Variants in CDH4 observed in about 807,000 individuals in gnomAD.
CDH4 encodes cadherin 4.
A neutral mutation model predicts 86.0 loss-of-function variants in CDH4; 33 were observed. The observed-to-expected ratio is 0.38, with a 90% CI of 0.29 to 0.51. The LOEUF (loss-of-function observed/expected upper bound fraction) is 0.51, where lower values mean the gene tolerates loss of function less well. Among genes scored for constraint, CDH4 ranks in the 20% least tolerant of loss-of-function variants. CDH4 has a pLI of 0.86. For missense variants in CDH4, 1,114 were observed against 1,307.4 expected, an observed-to-expected ratio of 0.85 and a Z score of 2.28; for synonymous variants, 555 against 549.4, an observed-to-expected ratio of 1.01 and a Z score of -0.14.
In CDH4 at chr20:61,281,587, G is replaced by C. The variant is rs140309584; in HGVS notation, c.169+26650G>C. 3.9e-3 allele frequency among the ~76,000 whole-genome samples: 594 copies of C among 152,330 alleles called. 13 individuals carry two copies. The South Asian group carries it at 0.044, about 11-fold the overall frequency. Reference sequence around the variant, plus strand: ...AAGTGCTCCTGGTGGTCTGAGGTCCGTCCCAGCCCCGCCTCCCGGCAGCCA... The same window carrying C: ...AAGTGCTCCTGGTGGTCTGAGGTCCCTCCCAGCCCCGCCTCCCGGCAGCCA... On this transcript the variant is annotated intron_variant, in intron 2 of 15. Transcript: ENST00000614565.
chr20:61,930,586 G>A (rs1025716399), intron 13 of CDH4, among the ~76,000 whole-genome samples: 4 of 152,118 alleles, frequency 2.6e-5, no homozygotes, highest in African/African-American at 9.7e-5. Context: ...CAGAACAGGC[G>A]GCAGGCCCCT....
intron 4 of CDH4, among the ~76,000 whole-genome samples, chr20:61,838,084 G>C (rs546760920): frequency 5.1e-4 from 78 of 151,954 alleles, no homozygotes; most frequent in Non-Finnish European, 9.6e-4. Flanking sequence ...GGCCTCCTTA[G>C]GGCCAGGACA....
rs753147926 is a variant in CDH4 at position 61,278,579 on chromosome 20, C to T, written c.169+23642C>T. ...AGGCCCTCTTACGCCTGGTGCTCAG[C>T]CCTTGGGAAGTGGCTCAGCTTCCCT... On this transcript the variant is annotated intron_variant, in intron 2 of 15. Transcript: ENST00000614565. Among the ~76,000 whole-genome samples, 10 of 152,258 alleles carry T rather than the reference C, an allele frequency of 6.6e-5. 1 individual carries two copies. Among genetic ancestry groups the T allele is most frequent in the Non-Finnish European group, 1.5e-4 (10 of 68,048 alleles).
chr20:61,360,129 G>T (rs867896682), intron 2 of CDH4, among the ~76,000 whole-genome samples: 1 of 152,190 alleles, frequency 6.6e-6, no homozygotes, highest in Admixed American at 6.5e-5. Flanking sequence ...CGGCATCTTG[G>T]GGAAGGGAGA....
chr20:61,637,114 C>T (rs577815508), intron 2 of CDH4, among the ~76,000 whole-genome samples: 2 of 152,306 alleles, frequency 1.3e-5, no homozygotes, highest in East Asian at 3.9e-4. Context: ...TGTTTTTCTT[C>T]AAGTTCTGCT....
intron 2 of CDH4, among the ~76,000 whole-genome samples, chr20:61,391,258 G>A (rs2084983826): frequency 6.6e-6 from 1 of 152,162 alleles, no homozygotes; most frequent in Non-Finnish European, 1.5e-5. Flanking sequence ...GTGCCATTTA[G>A]GGAGAGGGGC....
intron 2 of CDH4, among the ~76,000 whole-genome samples, chr20:61,388,222 GGCCGGGAGCAGA>G (rs1267255479): frequency 1.3e-5 from 2 of 152,216 alleles, no homozygotes; most frequent in East Asian, 3.9e-4. Flanking sequence ...TGCAGCTGTC[GGCCGGGAGCAGA>G]GCCCTGCCTT....
chr20:61,486,512 G>A (rs2085597424), intron 2 of CDH4, among the ~76,000 whole-genome samples: 1 of 152,256 alleles, frequency 6.6e-6, no homozygotes, highest in African/African-American at 2.4e-5. Context: ...CCAGTGTCCG[G>A]CATGTGCTGG....
intron 4 of CDH4, among the ~76,000 whole-genome samples, chr20:61,794,461 G>A (rs1351824263): frequency 1.3e-5 from 2 of 152,214 alleles, no homozygotes; most frequent in Non-Finnish European, 2.9e-5. Flanking sequence ...CTTGGTTGGA[G>A]GCTGTTCCCA....
Position 61,856,818 on chromosome 20 carries a change from G to A in CDH4, c.877+3920G>A, listed in dbSNP as rs181321306. ...TGAGATGTCTTGTTAGTGAGCAGGA[G>A]GCAGACCCCACCCCAGGGGCTCCCC... On this transcript the variant is annotated intron_variant, in intron 6 of 15. Coordinates refer to ENST00000614565, the MANE Select transcript of CDH4 (RefSeq NM_001794.5). Among the ~76,000 whole-genome samples, 93 of 152,332 alleles carry A rather than the reference G, an allele frequency of 6.1e-4. 3 individuals are homozygous for A. The highest frequency in any genetic ancestry group is 1.0e-3 in the Admixed American group (16 of 15,308).
chr20:61,409,697 TTTC>T (rs1328412119), intron 2 of CDH4, among the ~76,000 whole-genome samples: 1 of 152,256 alleles, frequency 6.6e-6, no homozygotes, highest in Non-Finnish European at 1.5e-5. Flanking sequence ...ACCGGCAACT[TTTC>T]TTCTACACTG....
intron 2 of CDH4, among the ~76,000 whole-genome samples, chr20:61,647,528 TCTCTCCCTCTCC>T (rs111670033): frequency 0.014 from 1,249 of 90,538 alleles, 56 homozygotes; most frequent in South Asian, 0.044. Context: ...ACACATATTC[TCTCTCCCTCTCC>T]CTCTCCCTCT....
intron 2 of CDH4, among the ~76,000 whole-genome samples, chr20:61,257,206 G>C (rs1177939287): frequency 5.9e-5 from 9 of 152,220 alleles, no homozygotes; most frequent in African/African-American, 2.4e-5. Flanking sequence ...AGCTATCAGC[G>C]ACTGCTCCGT....
At chr20:61,785,227 C>T (rs541550973) in intron 4 of CDH4, among the ~76,000 whole-genome samples, 15 of 152,172 alleles carry the variant, frequency 9.9e-5, no homozygotes, top group Non-Finnish European at 1.6e-4. Flanking sequence ...CATGCTTCAC[C>T]ATCTCCTCAC....
At chr20:61,834,372 G>A (rs974977744) in intron 4 of CDH4, among the ~76,000 whole-genome samples, 1 of 152,122 alleles carries the variant, frequency 6.6e-6, no homozygotes, top group African/African-American at 2.4e-5. Flanking sequence ...GGCCCCCTTG[G>A]GCTCCCACTA....
intron 2 of CDH4, among the ~76,000 whole-genome samples, chr20:61,315,228 G>GGT (rs2084469913): frequency 2.0e-5 from 3 of 152,080 alleles, no homozygotes; most frequent in African/African-American, 7.2e-5. Flanking sequence ...ATCTGGATGG[G>GGT]GTCAGTGAGA....
In CDH4 at chr20:61,460,624, G is replaced by A. The variant is rs553963759; in HGVS notation, c.169+205687G>A. Among the ~76,000 whole-genome samples the A allele has an allele frequency of 7.2e-5, 11 of 152,330 alleles. No individual in the cohort carries two copies. The South Asian group carries it at 2.1e-3, about 29-fold the overall frequency. On this transcript the variant is annotated intron_variant, in intron 2 of 15. Transcript: ENST00000614565. ...GCCCTGTCCAGGTATGCACGGAGGC[G>A]TCCCTAAGTGGTGAGGTGGCACCCA...
At chr20:61,933,294 C>T in intron 14 of CDH4, among the ~76,000 whole-genome samples, 170 bp downstream of exon 14, 1 of 152,250 alleles carries the variant, frequency 6.6e-6, no homozygotes, top group Non-Finnish European at 1.5e-5. Context: ...GCTGTGTACA[C>T]TGCACCTGCA....
intron 4 of CDH4, among the ~76,000 whole-genome samples, chr20:61,806,001 A>C (rs1170398620): frequency 1.3e-5 from 2 of 152,130 alleles, no homozygotes; most frequent in African/African-American, 4.8e-5. Context: ...TGCTTGGGGC[A>C]AGGGGAAGGC....
Sources: gnomAD v4.1 joint callset for allele counts (sites outside exome capture counted in the v4.1 genomes callset) on GRCh38, gnomAD v4.1.1 for gene constraint, MANE v1.5 for transcripts, NCBI Gene and HGNC (gene_info 2026-07-23, HGNC 2026-07-21) for gene names.